The following AGPS variants were observed in gnomAD, a reference collection of about 807,000 sequenced individuals.
The protein encoded by AGPS is alkyldihydroxyacetonephosphate synthase, peroxisomal.
AGPS carries 26 observed loss-of-function variants against 90.7 expected under a neutral mutation model. The ratio of observed to expected loss-of-function variants is 0.29; its 90% CI spans 0.21 to 0.40. AGPS has a LOEUF of 0.40. AGPS is among the 10% of genes least tolerant of loss of function. The pLI, the probability that AGPS is intolerant of heterozygous loss-of-function variation, is 1.00. For missense variants in AGPS, 540 were observed against 816.1 expected (o/e 0.66, Z 4.12); for synonymous variants, 294 against 285.3 (o/e 1.03, Z -0.31).
At chr2:177,467,608 T>C (rs1334765389) in intron 9 of AGPS, among the ~76,000 whole-genome samples, 3 of 152,206 alleles carry the variant, frequency 2.0e-5, no homozygotes, top group African/African-American at 7.2e-5. Flanking sequence ...TTTTGTATTT[T>C]GTTAATTGCT....
intron 8 of AGPS, among the ~76,000 whole-genome samples, chr2:177,446,330 T>C (rs1001194948): frequency 1.3e-5 from 2 of 152,076 alleles, no homozygotes; most frequent in African/African-American, 4.8e-5. Flanking sequence ...ATTTTTTGTA[T>C]TTTTAGTAGG....
At chr2:177,511,512 G>A (rs1688871850) in intron 16 of AGPS, among the ~76,000 whole-genome samples, 1 of 151,674 alleles carries the variant, frequency 6.6e-6, no homozygotes, top group Non-Finnish European at 1.5e-5. Flanking sequence ...TAAGAAAGAG[G>A]TCCAGGGAAC....
chr2:177,438,606 G>A (rs1686492878), intron 5 of AGPS, among the ~76,000 whole-genome samples: 1 of 151,934 alleles, frequency 6.6e-6, no homozygotes, highest in African/African-American at 2.4e-5. Flanking sequence ...TGTATATCCA[G>A]GTTTTTGTGA....
chr2:177,468,274 A>G (rs1420271235), intron 9 of AGPS, 142 bp from the exon 10 acceptor site: 8 of 524,420 alleles, frequency 1.5e-5, no homozygotes, highest in Non-Finnish European at 2.8e-5. Context: ...AAAAGATACT[A>G]GAATTCTTAA....
intron 1 of AGPS, among the ~76,000 whole-genome samples, chr2:177,415,843 G>A (rs1045993476): frequency 1.3e-5 from 2 of 151,556 alleles, no homozygotes; most frequent in African/African-American, 4.8e-5. Flanking sequence ...TTTCTCTCTA[G>A]GAAATCACAA....
intron 1 of AGPS, among the ~76,000 whole-genome samples, chr2:177,415,016 T>C: frequency 6.6e-6 from 1 of 151,898 alleles, no homozygotes. Context: ...AAATATGCAG[T>C]GTTATTTAGT....
At chr2:177,473,074 A>C (rs1687677078) in intron 10 of AGPS, among the ~76,000 whole-genome samples, 1 of 152,020 alleles carries the variant, frequency 6.6e-6, no homozygotes, top group South Asian at 2.1e-4. Context: ...GACTCCTTTT[A>C]TTTACTTTTC....
rs549927919 is a variant in AGPS at position 177,538,612 on chromosome 2, G to A, written c.*417G>A. 7.7e-4 allele frequency: 217 copies of A among 283,036 alleles called. 1 individual carries two copies. The highest frequency in any genetic ancestry group is 4.7e-3 in the African/African-American group (210 of 44,432). The allele number at this position is 283,036 out of a possible 1,614,324, so 17.5% of individuals were successfully genotyped here. A position where few individuals can be genotyped will look rare whatever the true frequency, so the allele number is the denominator to read the frequency against. ...GATGTCTAGGGAAGGATTCCACTGAGGAGTGATACACGTGTACATTGTTTA... is the reference window on the plus strand; with the variant it reads ...GATGTCTAGGGAAGGATTCCACTGAAGAGTGATACACGTGTACATTGTTTA... On this transcript the variant is annotated 3_prime_UTR_variant, in exon 20 of 20. Coordinates refer to ENST00000264167, the MANE Select transcript of AGPS (RefSeq NM_003659.4).
chr2:177,413,042 A>G (rs1574347900), intron 1 of AGPS, among the ~76,000 whole-genome samples: 1 of 152,298 alleles, frequency 6.6e-6, no homozygotes, highest in South Asian at 2.1e-4. Context: ...GTGGATGGCA[A>G]GTGAAAGCAC....
intron 11 of AGPS, among the ~76,000 whole-genome samples, chr2:177,486,362 A>G (rs1461189708): frequency 6.6e-6 from 1 of 152,216 alleles, no homozygotes; most frequent in African/African-American, 2.4e-5. Flanking sequence ...TTTGTAGAAC[A>G]TACAAGTCTC....
intron 18 of AGPS, among the ~76,000 whole-genome samples, chr2:177,522,490 C>A (rs1689226031): frequency 6.6e-6 from 1 of 152,158 alleles, no homozygotes; most frequent in Non-Finnish European, 1.5e-5. Flanking sequence ...CACTCTGTTG[C>A]CCAGGCTGGA....
intron 10 of AGPS, among the ~76,000 whole-genome samples, chr2:177,480,277 C>T (rs1235015799): frequency 2.0e-5 from 3 of 152,124 alleles, no homozygotes; most frequent in East Asian, 1.9e-4. Context: ...CACATGCACA[C>T]GTATGTTTAG....
intron 17 of AGPS, among the ~76,000 whole-genome samples, chr2:177,519,549 T>C (rs190459172): frequency 2.0e-5 from 3 of 152,336 alleles, no homozygotes; most frequent in East Asian, 3.9e-4. Flanking sequence ...ATTATCTGTG[T>C]AGAAAAAAAT....
chr2:177,393,244 G>A (rs900298362), intron 1 of AGPS, 195 bp downstream of exon 1: 7 of 985,286 alleles, frequency 7.1e-6, no homozygotes, highest in Admixed American at 1.2e-4. Flanking sequence ...GGCGGGATGG[G>A]ATGGTGGATT....
chr2:177,409,561 G>C (rs1264866040), intron 1 of AGPS, among the ~76,000 whole-genome samples: 1 of 152,134 alleles, frequency 6.6e-6, no homozygotes, highest in Non-Finnish European at 1.5e-5. Flanking sequence ...AATCCAGCTA[G>C]TCTTGTCTCT....
chr2:177,512,040 G>C (rs1340635043), intron 16 of AGPS, among the ~76,000 whole-genome samples: 2 of 152,034 alleles, frequency 1.3e-5, no homozygotes, highest in Non-Finnish European at 2.9e-5. Flanking sequence ...ATTTTTTTTA[G>C]ACTACTTAGC....
intron 17 of AGPS, among the ~76,000 whole-genome samples, chr2:177,517,604 A>G (rs1188338950): frequency 2.6e-5 from 4 of 152,146 alleles, no homozygotes. Context: ...ATCCCTCTTG[A>G]TGGAGATGGG....
chr2:177,524,947 C>T (rs868078184), intron 19 of AGPS, among the ~76,000 whole-genome samples: 23 of 152,186 alleles, frequency 1.5e-4, no homozygotes, highest in Non-Finnish European at 3.4e-4. Flanking sequence ...TAGCTCCCAA[C>T]GTCATTGTGT....
intron 10 of AGPS, among the ~76,000 whole-genome samples, chr2:177,471,364 A>G (rs987829741): frequency 1.3e-5 from 2 of 152,200 alleles, no homozygotes; most frequent in Non-Finnish European, 2.9e-5. Flanking sequence ...GTGATTAACC[A>G]TATTAAGTTT....
Sources: gnomAD v4.1 joint callset for allele counts (sites outside exome capture counted in the v4.1 genomes callset) on GRCh38, gnomAD v4.1.1 for gene constraint, MANE v1.5 for transcripts, NCBI Gene and HGNC (gene_info 2026-07-23, HGNC 2026-07-21) for gene names.